DNAH17: variants seen among roughly 807,000 people sequenced by gnomAD.
DNAH17 encodes the protein dynein axonemal heavy chain 17.
DNAH17 carries 376 observed loss-of-function variants against 485.6 expected under a neutral mutation model. That is an observed-to-expected ratio of 0.77 (90% CI 0.71 to 0.84). The LOEUF (loss-of-function observed/expected upper bound fraction) is 0.84. Among genes scored for constraint, DNAH17 ranks in the 40% least tolerant of loss-of-function variants. DNAH17 has a pLI of 0.00. For missense variants in DNAH17, 6,370 were observed against 5,839.3 expected (o/e 1.09, Z -2.96); for synonymous variants, 3,031 against 2,405.9 (o/e 1.26, Z -7.60).
intron 74 of DNAH17, among the ~76,000 whole-genome samples, chr17:78,435,082 T>TC (rs1456026688): frequency 6.6e-6 from 1 of 152,002 alleles, no homozygotes; most frequent in African/African-American, 2.4e-5. Flanking sequence ...CACTCGAGTA[T>TC]CCCCTCCTGG....
chr17:78,456,807 CGGG>C (rs1481410877), intron 62 of DNAH17, among the ~76,000 whole-genome samples: 1 of 152,200 alleles, frequency 6.6e-6, no homozygotes, highest in East Asian at 1.9e-4. Context: ...CCCTCATACC[CGGG>C]GCACCACCCT....
chr17:78,446,173 C>CAAAAAAAA (rs1157464118), intron 69 of DNAH17, among the ~76,000 whole-genome samples: 768 of 57,352 alleles, frequency 0.013, 87 homozygotes, highest in Middle Eastern at 0.034. Flanking sequence ...GACTCTGTCT[C>CAAAAAAAA]AAAAAAAAAA....
At chr17:78,554,662 C>A (rs1424656260) in intron 14 of DNAH17, among the ~76,000 whole-genome samples, 1 of 152,058 alleles carries the variant, frequency 6.6e-6, no homozygotes, top group South Asian at 2.1e-4. Flanking sequence ...TTCTCTAGGA[C>A]CCTTCTACAT....
chr17:78,526,007 C>T (rs897989751), intron 24 of DNAH17, among the ~76,000 whole-genome samples: 4 of 152,336 alleles, frequency 2.6e-5, no homozygotes, highest in South Asian at 2.1e-4. Context: ...ACCTGGGCAC[C>T]GTACTGGGAG....
At chr17:78,446,346 C>G (rs2087299514) in intron 69 of DNAH17, among the ~76,000 whole-genome samples, 1 of 152,034 alleles carries the variant, frequency 6.6e-6, no homozygotes, top group Non-Finnish European at 1.5e-5. Flanking sequence ...CCCCTTGCCT[C>G]TGAGAGCTGC....
At chr17:78,509,708 C>A (rs2090580685) in intron 27 of DNAH17, among the ~76,000 whole-genome samples, 1 of 152,112 alleles carries the variant, frequency 6.6e-6, no homozygotes. Context: ...CATCCCCAAC[C>A]CTCCCGTCAG....
intron 9 of DNAH17, among the ~76,000 whole-genome samples, chr17:78,568,706 C>T (rs1039011066): frequency 6.6e-6 from 1 of 152,220 alleles, no homozygotes; most frequent in East Asian, 1.9e-4. Flanking sequence ...CCTCCTCGGC[C>T]TGCCAGAGTT....
intron 25 of DNAH17, among the ~76,000 whole-genome samples, chr17:78,517,886 TGTTATA>T (rs1782716920): frequency 6.6e-6 from 1 of 152,198 alleles, no homozygotes; most frequent in African/African-American, 2.4e-5. Context: ...AAGACAGTTA[TGTTATA>T]GTTAAGAGGG....
intron 79 of DNAH17, 127 bp from the exon 80 acceptor site, chr17:78,425,698 T>A: frequency 1.2e-6 from 1 of 812,362 alleles, no homozygotes; most frequent in Non-Finnish European, 1.9e-6. Flanking sequence ...CTAGAAGTGC[T>A]GGACAGAGTA....
At chr17:78,492,161 C>T (rs1295338145) in intron 42 of DNAH17, among the ~76,000 whole-genome samples, 4 of 152,148 alleles carry the variant, frequency 2.6e-5, no homozygotes, top group Admixed American at 2.6e-4. Context: ...GCTGACTCCT[C>T]CTCAGCTCTC....
intron 54 of DNAH17, among the ~76,000 whole-genome samples, chr17:78,471,788 ACT>A (rs1279475760): frequency 6.7e-6 from 1 of 150,132 alleles, no homozygotes; most frequent in African/African-American, 2.5e-5. Context: ...TTCCCCGCTC[ACT>A]CTCTGGCACA....
At position 78,485,036 on chromosome 17, in the gene DNAH17, A is replaced by G. The variant is rs747461380; in HGVS notation, c.7484-3T>C. On this transcript the variant is annotated splice_region_variant and splice_polypyrimidine_tract_variant and intron_variant, in intron 47 of 80. Coordinates refer to ENST00000389840, the MANE Select transcript of DNAH17 (RefSeq NM_173628.4). ...CTCCAGCGGCTTCTCCAGCACCCCT[A>G]GAGAGGGCAGAGGGTCAGCTGCCCG... 2.5e-6 allele frequency: 4 copies of G among 1,603,220 alleles called. No individual in the cohort carries two copies. In the African/African-American group the frequency reaches 5.4e-5, roughly 21 times the overall value.
intron 16 of DNAH17, 104 bp from the exon 17 acceptor site, chr17:78,544,101 G>A (rs1043067572): frequency 3.3e-6 from 5 of 1,512,482 alleles, no homozygotes; most frequent in Admixed American, 3.7e-5. Context: ...ACTGCTGCCT[G>A]ATCTTGGATT....
In DNAH17 at chr17:78,445,748, G is replaced by T. The variant is rs60460416; in HGVS notation, c.11212-68C>A. 151,593 of 1,526,394 alleles carry T rather than the reference G, an allele frequency of 0.099. 9,511 individuals are homozygous for T. Among genetic ancestry groups the T allele is most frequent in the African/African-American group, 0.29 (21,453 of 72,942 alleles). The allele number at this position is 1,526,394 out of a possible 1,614,324, so 94.6% of individuals were successfully genotyped here. ...AACGTCAGCAGCCCTGAAGATGCGC[G>T]CTGGACTCGAAGAGGAGTTCACACT... On this transcript the variant is annotated intron_variant, in intron 69 of 80. Coordinates refer to ENST00000389840, the MANE Select transcript of DNAH17 (RefSeq NM_173628.4).
chr17:78,514,205 G>A (rs892277869), intron 26 of DNAH17, among the ~76,000 whole-genome samples: 2 of 152,126 alleles, frequency 1.3e-5, no homozygotes, highest in Non-Finnish European at 2.9e-5. Context: ...GGGAACTCCT[G>A]TTCAAAAATT....
intron 17 of DNAH17, among the ~76,000 whole-genome samples, chr17:78,542,917 C>T (rs561865626): frequency 5.3e-5 from 8 of 152,302 alleles, no homozygotes; most frequent in South Asian, 2.1e-4. Context: ...TGCCCACCCT[C>T]GGCAGCTCAT....
intron 72 of DNAH17, 91 bp downstream of exon 72, chr17:78,440,960 G>A: frequency 6.8e-7 from 1 of 1,465,592 alleles, no homozygotes. Flanking sequence ...GTGAAGTGGT[G>A]TCTCATGTGC....
In DNAH17 at chr17:78,525,179, G is replaced by T; in HGVS notation, c.3712-18C>A. On this transcript the variant is annotated intron_variant, in intron 24 of 80. Transcript: ENST00000389840. ...TTTTGTTGCTAGGGGCGGCGAGGGG[G>T]CCGTCAGTAGGGCTACCTACCCTCA... 1 of 1,608,636 alleles carries T rather than the reference G, an allele frequency of 6.2e-7. No individual in the cohort carries two copies.
chr17:78,444,525 G>T, intron 71 of DNAH17, 79 bp downstream of exon 71: 2 of 1,392,518 alleles, frequency 1.4e-6, no homozygotes. Context: ...TCCACAGAGA[G>T]TCTAGCACAG....
Sources: gnomAD v4.1 joint callset for allele counts (sites outside exome capture counted in the v4.1 genomes callset) on GRCh38, gnomAD v4.1.1 for gene constraint, MANE v1.5 for transcripts, NCBI Gene and HGNC (gene_info 2026-07-23, HGNC 2026-07-21) for gene names.